Variants in GDAP2 observed in about 807,000 individuals in gnomAD.
GDAP2 encodes ganglioside-induced differentiation-associated protein 2.
GDAP2 carries 51 observed loss-of-function variants against 67.0 expected under a neutral mutation model. The ratio of observed to expected loss-of-function variants is 0.76; its 90% CI spans 0.61 to 0.96. GDAP2 has a LOEUF of 0.96. Ranked by LOEUF, GDAP2 falls within the 40% of genes least tolerant of loss-of-function variation. The probability of loss-of-function intolerance (pLI) is 0.00; values close to 1 mark genes in which losing one functional copy is unlikely to be tolerated. For synonymous variants in GDAP2, 203 were observed against 207.3 expected (o/e 0.98, Z 0.18); for missense variants, 547 against 588.3 (o/e 0.93, Z 0.73).
chr1:117,916,707 C>T lies in GDAP2; in HGVS notation c.316+1890G>A, dbSNP rs183168726. ...ACTTTATGTGAGGGATAAGAAAAAG[C>T]GAAGTGTTAATCCTAAGGTTCCTTG... On this transcript the variant is annotated intron_variant, in intron 3 of 13. Transcript: ENST00000369443. 2.3e-3 allele frequency among the ~76,000 whole-genome samples: 343 copies of T among 152,100 alleles called. 3 individuals carry two copies. The highest frequency in any genetic ancestry group is 8.0e-3 in the African/African-American group (333 of 41,492).
chr1:117,905,220 A>C (rs976787473), intron 6 of GDAP2, among the ~76,000 whole-genome samples: 2 of 152,136 alleles, frequency 1.3e-5, no homozygotes, highest in Non-Finnish European at 2.9e-5. Context: ...AGATGACATC[A>C]TTTGTTTGTG....
chr1:117,898,993 G>T, intron 7 of GDAP2, 64 bp downstream of exon 7: 2 of 1,186,616 alleles, frequency 1.7e-6, no homozygotes, highest in Non-Finnish European at 2.5e-6. Context: ...TTACTTCTTT[G>T]GTGATTGGTG....
In GDAP2 at chr1:117,870,626, GA is replaced by G; in HGVS notation, c.1447-11del. 3.8e-6 allele frequency: 6 copies of G among 1,564,636 alleles called. No homozygotes were observed. The highest frequency in any genetic ancestry group is 1.4e-5 in the African/African-American group (1 of 73,562). ...AGTAAGGCCCGTTTTCCTGTGGAAA[GA>G]AAAAAGGAGAAGAACATTTAAGTAA... On this transcript the variant is annotated splice_polypyrimidine_tract_variant and intron_variant, in intron 13 of 13. Transcript: ENST00000369443.
chr1:117,900,755 C>T (rs1649426029), intron 6 of GDAP2, among the ~76,000 whole-genome samples: 1 of 141,982 alleles, frequency 7.0e-6, no homozygotes, highest in Admixed American at 7.2e-5. Flanking sequence ...CAGAGTGAGA[C>T]TCCATCTCAA....
chr1:117,903,862 C>G (rs1570983563), intron 6 of GDAP2, among the ~76,000 whole-genome samples: 1 of 152,140 alleles, frequency 6.6e-6, no homozygotes, highest in South Asian at 2.1e-4. Context: ...TGTAAGGAGA[C>G]AGCAGCCCTC....
Position 117,864,735 on chromosome 1 carries a change from T to A in GDAP2, c.*5834A>T, listed in dbSNP as rs1170935579. 6.6e-6 allele frequency: 1 copy of A among 152,124 alleles called. No homozygotes were observed. Among genetic ancestry groups the A allele is most frequent in the African/African-American group, 2.4e-5 (1 of 41,436 alleles). 9.4% of individuals were successfully genotyped at this position (152,124 alleles called of 1,614,324 possible). A position where few individuals can be genotyped will look rare whatever the true frequency, so the allele number is the denominator to read the frequency against. ...AGCAAAAACTGAGGAGCTAAGAGAT[T>A]TTTTTCCTTATTAAAAAGTGAAGTA... On this transcript the variant is annotated 3_prime_UTR_variant, in exon 14 of 14. Coordinates refer to ENST00000369443, the MANE Select transcript of GDAP2 (RefSeq NM_017686.4).
chr1:117,875,661 G>A (rs1175907233), intron 13 of GDAP2, among the ~76,000 whole-genome samples: 2 of 152,210 alleles, frequency 1.3e-5, no homozygotes, highest in African/African-American at 2.4e-5. Context: ...GGGTGGGGGT[G>A]CCCAAGGCCT....
intron 1 of GDAP2, among the ~76,000 whole-genome samples, chr1:117,920,864 C>T (rs1650226743): frequency 6.6e-6 from 1 of 152,052 alleles, no homozygotes; most frequent in African/African-American, 2.4e-5. Flanking sequence ...GAGGTTACTG[C>T]AATCAAGTAG....
rs77854210 is a variant in GDAP2 at position 117,900,631 on chromosome 1, T to G, written c.637-1415A>C. On this transcript the variant is annotated intron_variant, in intron 6 of 13. Transcript: ENST00000369443. ...AATATAAAAAATTACCCAGGCGTGGTGGCGCGTGCCTATAGTCCCAGCTAC... is the reference window on the plus strand; with the variant it reads ...AATATAAAAAATTACCCAGGCGTGGGGGCGCGTGCCTATAGTCCCAGCTAC... Among the ~76,000 whole-genome samples the G allele has an allele frequency of 9.0e-4, 136 of 151,124 alleles. 1 individual carries two copies. In the East Asian group the frequency reaches 0.021, roughly 23 times the overall value.
chr1:117,912,033 G>C lies in GDAP2; in HGVS notation c.520C>G (p.Arg174Gly). The C allele has an allele frequency of 6.2e-7, 1 of 1,609,060 alleles. No homozygotes were observed. ...VGFCVINSAK[R>G]GYPLEDATHI... Reference sequence around the variant, plus strand: ...GTTGCATCCTCTAAAGGATAACCACGTTTTGCAGAATTGATGACACAGAAG... The same window carrying C: ...GTTGCATCCTCTAAAGGATAACCACCTTTTGCAGAATTGATGACACAGAAG... Residue 174 changes from arginine to glycine, a missense_variant, in exon 5 of 14, where the codon CGT (arginine) becomes GGT (glycine). By Grantham distance (125) the Arg-to-Gly change is moderately radical. Transcript: ENST00000369443.
chr1:117,927,141 A>G (rs1396965704), intron 1 of GDAP2, among the ~76,000 whole-genome samples: 1 of 152,202 alleles, frequency 6.6e-6, no homozygotes, highest in Non-Finnish European at 1.5e-5. Context: ...AAGAGGACCT[A>G]AAGACAAAGA....
chr1:117,890,510 T>C (rs965366474), intron 8 of GDAP2, among the ~76,000 whole-genome samples: 1 of 152,084 alleles, frequency 6.6e-6, no homozygotes, highest in Non-Finnish European at 1.5e-5. Flanking sequence ...CATCTTTAAT[T>C]GAAAACACTC....
At chr1:117,891,836 C>T (rs1260602337) in intron 8 of GDAP2, among the ~76,000 whole-genome samples, 2 of 152,042 alleles carry the variant, frequency 1.3e-5, no homozygotes, top group African/African-American at 2.4e-5. Context: ...TTAACTTCTT[C>T]CACAGGTTTC....
At chr1:117,889,732 A>AG (rs1649001283) in intron 8 of GDAP2, among the ~76,000 whole-genome samples, 3 of 152,142 alleles carry the variant, frequency 2.0e-5, no homozygotes, top group Non-Finnish European at 4.4e-5. Context: ...TGAAGAATAA[A>AG]AGTATAGAGT....
chr1:117,896,143 C>T (rs1020526192), intron 8 of GDAP2, among the ~76,000 whole-genome samples: 3 of 152,208 alleles, frequency 2.0e-5, no homozygotes, highest in South Asian at 2.1e-4. Flanking sequence ...AAGCTCATTA[C>T]ATTACCTCAT....
At chr1:117,898,758 G>A (rs1043255900) in intron 7 of GDAP2, among the ~76,000 whole-genome samples, 2 of 152,140 alleles carry the variant, frequency 1.3e-5, no homozygotes, top group Admixed American at 1.3e-4. Flanking sequence ...AGACAATAAC[G>A]TACTTTACTA....
rs3754126 is a variant in GDAP2 at position 117,928,245 on chromosome 1, A to C, written c.-68+1203T>G. 2.3e-4 allele frequency among the ~76,000 whole-genome samples: 35 copies of C among 152,336 alleles called. No individual in the cohort carries two copies. The East Asian group carries it at 6.4e-3, about 28-fold the overall frequency. On this transcript the variant is annotated intron_variant, in intron 1 of 13. Coordinates refer to ENST00000369443, the MANE Select transcript of GDAP2 (RefSeq NM_017686.4). ...AAATAAATGTGCAAAAGGAGGCAAA[A>C]CTTCCACTGAATCTCTGAGAGAATT... is the stretch of plus-strand genomic sequence containing the variant.
intron 6 of GDAP2, among the ~76,000 whole-genome samples, chr1:117,905,772 C>CT (rs1380807576): frequency 2.0e-5 from 3 of 151,862 alleles, no homozygotes; most frequent in Non-Finnish European, 2.9e-5. Context: ...GTAAATGTGC[C>CT]TTTTTTCAGC....
At chr1:117,920,687 C>T (rs1214369357) in intron 1 of GDAP2, among the ~76,000 whole-genome samples, 1 of 147,148 alleles carries the variant, frequency 6.8e-6, no homozygotes, top group South Asian at 2.5e-4. Context: ...ACCAATTCTA[C>T]TTTCCAGAAA....
Sources: gnomAD v4.1 joint callset for allele counts (sites outside exome capture counted in the v4.1 genomes callset) on GRCh38, gnomAD v4.1.1 for gene constraint, MANE v1.5 for transcripts, NCBI Gene and HGNC (gene_info 2026-07-23, HGNC 2026-07-21) for gene names.